The following FOSL1 variants were observed in gnomAD, a reference collection of about 807,000 sequenced individuals.
FOSL1 encodes fos-related antigen 1.
A neutral mutation model predicts 24.9 loss-of-function variants in FOSL1; 14 were observed. That is an observed-to-expected ratio of 0.56 (90% confidence interval 0.37 to 0.88). The LOEUF is 0.88. FOSL1 is among the 40% of genes least tolerant of loss of function. FOSL1 has a pLI of 0.00. For synonymous variants in FOSL1, 133 were observed against 145.1 expected, an observed-to-expected ratio of 0.92 and a Z score of 0.60; for missense variants, 318 against 359.8, an observed-to-expected ratio of 0.88 and a Z score of 0.94.
intron 2 of FOSL1, 129 bp from the exon 3 acceptor site, chr11:65,894,250 A>G (rs1305588947): frequency 1.5e-6 from 1 of 663,658 alleles, no homozygotes. Context: ...TGATTTAGGG[A>G]TCACTGCACC....
At chr11:65,896,328 A>C (rs1461746562) in intron 2 of FOSL1, among the ~76,000 whole-genome samples, 1 of 152,144 alleles carries the variant, frequency 6.6e-6, no homozygotes, top group African/African-American at 2.4e-5. Context: ...CATTCCCCAG[A>C]GAGATTTTGT....
chr11:65,894,205 C>A, intron 2 of FOSL1, 84 bp from the exon 3 acceptor site: 1 of 995,716 alleles, frequency 1.0e-6, no homozygotes, highest in Non-Finnish European at 1.5e-6. Flanking sequence ...GTGGTAGGAC[C>A]CTGGCAGAGG....
At chr11:65,896,242 A>G (rs1335086321) in intron 2 of FOSL1, among the ~76,000 whole-genome samples, 1 of 152,084 alleles carries the variant, frequency 6.6e-6, no homozygotes, top group African/African-American at 2.4e-5. Flanking sequence ...ATTACTCACT[A>G]CTTGTGTGAT....
At chr11:65,900,439 T>A, upstream of FOSL1, 1 of 649,520 alleles carries the variant, frequency 1.5e-6, no homozygotes, top group Non-Finnish European at 2.2e-6. Flanking sequence ...GTTCTCGGGC[T>A]GAACCACTGC....
In FOSL1 at chr11:65,898,043, C is replaced by CCGTTT. The variant is rs1416098633; in HGVS notation, c.100-1038_100-1037insAAACG. ...ATTTGGCTAATTTTTTTTTTCTTTT[C>CCGTTT]TGTTTTTTTTTTTTTGAGACACAGT... On this transcript the variant is annotated intron_variant, in intron 1 of 3. Coordinates refer to ENST00000312562, the MANE Select transcript of FOSL1 (RefSeq NM_005438.5). Among the ~76,000 whole-genome samples the CCGTTT allele has an allele frequency of 2.1e-4, 17 of 79,672 alleles. 3 individuals carry two copies. Among genetic ancestry groups the CCGTTT allele is most frequent in the Non-Finnish European group, 1.8e-4 (8 of 44,554 alleles). The allele number at this position is 79,672 out of a possible 152,430, so 52.3% of individuals were successfully genotyped here.
In FOSL1 at chr11:65,900,341, C is replaced by A. The variant is rs1221882438; in HGVS notation, c.-2G>T. On this transcript the variant is annotated 5_prime_UTR_variant, in exon 1 of 4. Transcript: ENST00000312562. ...GGGTTCCCCGAAGTCTCGGAACATG[C>A]CCGGGGCTGGCGGCTCTGCGGGGTA... The A allele has an allele frequency of 1.6e-6, 2 of 1,235,244 alleles. No homozygotes were observed. Among genetic ancestry groups the A allele is most frequent in the Admixed American group, 4.2e-5 (1 of 23,692 alleles). The allele number at this position is 1,235,244 out of a possible 1,614,324, so 76.5% of individuals were successfully genotyped here.
rs754319918 is a variant in FOSL1 at position 65,896,957 on chromosome 11, A to T, written c.149T>A (p.Leu50Gln). The change falls in exon 2 of 4, where the codon CTG becomes CAG. Residue 50 changes from leucine (L) to glutamine (Q), a missense_variant. Physicochemically the swap from Leu to Gln is moderately radical, Grantham distance 113. Coordinates refer to ENST00000312562, the MANE Select transcript of FOSL1 (RefSeq NM_005438.5). ...SINTMSGSQE[L>Q]QWMVQPHFLG... ...GAAATGAGGCTGTACCATCCACTGC[A>T]GCTCCTGACTGCCACTCATGGTGTT... The T allele has an allele frequency of 1.2e-6, 2 of 1,614,196 alleles. No individual in the cohort carries two copies. Among genetic ancestry groups the T allele is most frequent in the South Asian group, 2.2e-5 (2 of 91,092 alleles).
In FOSL1 at chr11:65,900,265, C is replaced by T; in HGVS notation, c.75G>A (p.Pro25=). The T allele has an allele frequency of 8.0e-7, 1 of 1,244,444 alleles. No homozygotes were observed. The highest frequency in any genetic ancestry group is 1.0e-6 in the Non-Finnish European group (1 of 994,072). 77.1% of individuals were successfully genotyped at this position (1,244,444 alleles called of 1,614,324 possible). A position where few individuals can be genotyped will look rare whatever the true frequency, so the allele number is the denominator to read the frequency against. The change falls in exon 1 of 4, where the codon CCG becomes CCA. Residue 25 remains proline, a synonymous_variant. Coordinates refer to ENST00000312562, the MANE Select transcript of FOSL1 (RefSeq NM_005438.5). Reference sequence around the variant, plus strand: ...CCTGCTGGGCTGCCTGCGCTGCGGCCGGGGGCTGCGCGGGGCCGCCGTACC... The same window carrying T: ...CCTGCTGGGCTGCCTGCGCTGCGGCTGGGGGCTGCGCGGGGCCGCCGTACC... ...GGGYGGPAQP[P]AAAQAAQQKF...
chr11:65,894,239 G>A (rs1256868413), intron 2 of FOSL1, 118 bp from the exon 3 acceptor site: 1 of 693,532 alleles, frequency 1.4e-6, no homozygotes. Flanking sequence ...CCCTCAGCCG[G>A]TGATTTAGGG....
chr11:65,892,881 G>T lies in FOSL1; in HGVS notation c.*5C>A. On this transcript the variant is annotated 3_prime_UTR_variant, in exon 4 of 4. Transcript: ENST00000312562. Reference sequence around the variant, plus strand: ...GGCATCTGCAGGGAGTAGGGCTCAGGCGCCTCACAAAGCGAGGAGGGTTGG... The same window carrying T: ...GGCATCTGCAGGGAGTAGGGCTCAGTCGCCTCACAAAGCGAGGAGGGTTGG... The T allele has an allele frequency of 1.2e-6, 2 of 1,610,048 alleles. No homozygotes were observed. The highest frequency in any genetic ancestry group is 1.7e-6 in the Non-Finnish European group (2 of 1,179,282).
Position 65,900,348 on chromosome 11 carries a change from C to A in FOSL1, c.-9G>T. 8.1e-7 allele frequency: 1 copy of A among 1,229,362 alleles called. No homozygotes were observed. The highest frequency in any genetic ancestry group is 1.0e-6 in the Non-Finnish European group (1 of 983,040). 76.2% of individuals were successfully genotyped at this position (1,229,362 alleles called of 1,614,324 possible). A position where few individuals can be genotyped will look rare whatever the true frequency, so the allele number is the denominator to read the frequency against. Reference sequence around the variant, plus strand: ...CCGAAGTCTCGGAACATGCCCGGGGCTGGCGGCTCTGCGGGGTACACGGCT... The same window carrying A: ...CCGAAGTCTCGGAACATGCCCGGGGATGGCGGCTCTGCGGGGTACACGGCT... On this transcript the variant is annotated 5_prime_UTR_variant, in exon 1 of 4. Coordinates refer to ENST00000312562, the MANE Select transcript of FOSL1 (RefSeq NM_005438.5).
chr11:65,894,861 T>C (rs899162175), intron 2 of FOSL1, among the ~76,000 whole-genome samples: 3 of 152,114 alleles, frequency 2.0e-5, no homozygotes, highest in African/African-American at 7.2e-5. Context: ...TTCACCATGT[T>C]GGCCAGGCTG....
chr11:65,896,517 T>C (rs1860529756), intron 2 of FOSL1, among the ~76,000 whole-genome samples: 1 of 152,144 alleles, frequency 6.6e-6, no homozygotes, highest in Non-Finnish European at 1.5e-5. Flanking sequence ...TCCTTGCTCC[T>C]GCCACCCCCG....
At chr11:65,897,351 T>C (rs565473723) in intron 1 of FOSL1, among the ~76,000 whole-genome samples, 1 of 151,876 alleles carries the variant, frequency 6.6e-6, no homozygotes, top group Non-Finnish European at 1.5e-5. Flanking sequence ...TTTTCTTTTT[T>C]TTTTTTCAGA....
At position 65,892,993 on chromosome 11, in the gene FOSL1, AG is replaced by A. The variant is rs1860427467; in HGVS notation, c.708del (p.Tyr237ThrfsTer48). The A allele has an allele frequency of 6.2e-7, 1 of 1,612,646 alleles. No individual in the cohort carries two copies. Among genetic ancestry groups the A allele is most frequent in the African/African-American group, 1.3e-5 (1 of 74,856 alleles). On this transcript the variant is annotated frameshift_variant, in exon 4 of 4. Transcript: ENST00000312562. LOFTEE classifies it high-confidence loss of function. Reference protein sequence around the residue: ...LTPFTPSLVFTYPSTPEPCAS... With the variant: ...LTPFTPSLVFXYPSTPEPCAS... Reference sequence around the variant, plus strand: ...GCACAAGGCTCAGGAGTGCTGGGGTAGGTGAAGACCAGGCTGGGGGTGAAAG... The same window carrying A: ...GCACAAGGCTCAGGAGTGCTGGGGTAGTGAAGACCAGGCTGGGGGTGAAAG...
chr11:65,900,219 A>G (rs1196983688), intron 1 of FOSL1, 22 bp downstream of exon 1: 5 of 1,175,218 alleles, frequency 4.3e-6, no homozygotes, highest in Non-Finnish European at 5.3e-6. Flanking sequence ...CCGTGGGACC[A>G]CCGGCGTCGG....
Position 65,900,377 on chromosome 11 carries a change from G to T in FOSL1, c.-38C>A. The T allele has an allele frequency of 9.0e-7, 1 of 1,111,172 alleles. No individual in the cohort carries two copies. 68.8% of individuals were successfully genotyped at this position (1,111,172 alleles called of 1,614,324 possible). On this transcript the variant is annotated 5_prime_UTR_variant, in exon 1 of 4. Transcript: ENST00000312562. Reference sequence around the variant, plus strand: ...CGGCTCTGCGGGGTACACGGCTGCTGGGTTCTGACTCACCCGCGCCGTGCG... The same window carrying T: ...CGGCTCTGCGGGGTACACGGCTGCTTGGTTCTGACTCACCCGCGCCGTGCG...
intron 1 of FOSL1, among the ~76,000 whole-genome samples, chr11:65,898,453 G>C (rs80254363): frequency 0.016 from 2,375 of 152,272 alleles, 57 homozygotes; most frequent in African/African-American, 0.054. Context: ...CCAAAGTGTT[G>C]AGATGACAGG....
rs1860436189 is a variant in FOSL1 at position 65,893,195 on chromosome 11, T to G, written c.507A>C (p.Arg169=). 1 of 1,613,868 alleles carries G rather than the reference T, an allele frequency of 6.2e-7. No individual in the cohort carries two copies. The highest frequency in any genetic ancestry group is 1.7e-5 in the Admixed American group (1 of 59,986). Residue 169 remains arginine (R), a synonymous_variant, in exon 4 of 4, where the codon CGA becomes CGC. Transcript: ENST00000312562. The part of the protein sequence containing the change: ...ERLELVLEAH[R]PICKIPEGAK... ...CTCCTTCCGGGATTTTGCAGATGGG[T>G]CGGTGGGCTTCCAGCACCAGCTCTA...
Sources: allele counts gnomAD v4.1 joint callset (sites outside exome capture counted in the v4.1 genomes callset), GRCh38; gene constraint gnomAD v4.1.1; transcripts MANE v1.5; gene names NCBI Gene and HGNC (gene_info 2026-07-23, HGNC 2026-07-21).